The following CCSER1 variants were observed in gnomAD, a reference collection of about 807,000 sequenced individuals.
The protein encoded by CCSER1 is serine-rich coiled-coil domain-containing protein 1.
A neutral mutation model predicts 82.0 loss-of-function variants in CCSER1; 41 were observed. The ratio of observed to expected loss-of-function variants is 0.50; its 90% confidence interval spans 0.39 to 0.65. The LOEUF (loss-of-function observed/expected upper bound fraction) is 0.65. CCSER1 is among the 30% of genes least tolerant of loss of function. The probability of loss-of-function intolerance (pLI) is 0.00; values close to 1 mark genes in which losing one functional copy is unlikely to be tolerated. For synonymous variants in CCSER1, 414 were observed against 383.9 expected, an observed-to-expected ratio of 1.08 and a Z score of -0.92; for missense variants, 1,119 against 1,064.2, an observed-to-expected ratio of 1.05 and a Z score of -0.72.
chr4:91,199,547 T>G (rs900703849), intron 10 of CCSER1, among the ~76,000 whole-genome samples: 6 of 152,164 alleles, frequency 3.9e-5, no homozygotes, highest in Non-Finnish European at 7.4e-5. Flanking sequence ...AATTAATATA[T>G]AAAATAAAAC....
chr4:90,225,669 G>A (rs989391019), intron 1 of CCSER1, among the ~76,000 whole-genome samples: 2 of 152,138 alleles, frequency 1.3e-5, no homozygotes, highest in African/African-American at 2.4e-5. Context: ...TGCTGGATTT[G>A]TCTCTCCTGC....
chr4:90,832,708 A>G (rs1276594686), intron 8 of CCSER1, among the ~76,000 whole-genome samples: 1 of 152,192 alleles, frequency 6.6e-6, no homozygotes, highest in Non-Finnish European at 1.5e-5. Context: ...ATCCACACCA[A>G]AGGATGCTGA....
At chr4:90,142,155 C>T (rs140126816) in intron 1 of CCSER1, among the ~76,000 whole-genome samples, 3 of 152,116 alleles carry the variant, frequency 2.0e-5, no homozygotes, top group Non-Finnish European at 2.9e-5. Flanking sequence ...GCTTTGGAGG[C>T]CCTTTGTGAG....
chr4:90,163,782 T>C (rs1393589893), intron 1 of CCSER1, among the ~76,000 whole-genome samples: 1 of 152,054 alleles, frequency 6.6e-6, no homozygotes, highest in African/African-American at 2.4e-5. Context: ...CCAAAGAAGG[T>C]TGGAAGTACT....
At chr4:90,214,297 C>T (rs1370766121) in intron 1 of CCSER1, among the ~76,000 whole-genome samples, 3 of 151,968 alleles carry the variant, frequency 2.0e-5, no homozygotes, top group Admixed American at 1.3e-4. Flanking sequence ...CAAAATGCTT[C>T]TATGTTTTCA....
intron 5 of CCSER1, among the ~76,000 whole-genome samples, chr4:90,626,120 A>G (rs749572476): frequency 2.3e-4 from 35 of 152,192 alleles, no homozygotes; most frequent in Non-Finnish European, 4.3e-4. Context: ...GGAGCCCCGC[A>G]ATTCATAACA....
In CCSER1 at chr4:90,313,103, G is replaced by A. The variant is rs765390389; in HGVS notation, c.1509+56G>A. The A allele has an allele frequency of 9.1e-6, 12 of 1,323,326 alleles. No homozygotes were observed. The East Asian group carries it at 2.5e-4, about 27-fold the overall frequency. 82.0% of individuals were successfully genotyped at this position (1,323,326 alleles called of 1,614,324 possible). A position where few individuals can be genotyped will look rare whatever the true frequency, so the allele number is the denominator to read the frequency against. ...AAATAATGCTGTCTATATCCGACAT[G>A]TTCATGTCTCTTGCAAAATGAACAC... On this transcript the variant is annotated intron_variant, in intron 3 of 10. Coordinates refer to ENST00000509176, the MANE Select transcript of CCSER1 (RefSeq NM_001145065.2).
At chr4:90,550,594 AC>A (rs1385778516) in intron 5 of CCSER1, among the ~76,000 whole-genome samples, 2 of 152,180 alleles carry the variant, frequency 1.3e-5, no homozygotes, top group Non-Finnish European at 2.9e-5. Context: ...ATAAATTGAA[AC>A]CCAAAAGGAT....
At chr4:91,238,123 T>A (rs1461702506) in intron 10 of CCSER1, among the ~76,000 whole-genome samples, 1 of 152,088 alleles carries the variant, frequency 6.6e-6, no homozygotes, top group African/African-American at 2.4e-5. Context: ...AGGATTTCAC[T>A]CCCTTGATTG....
intron 6 of CCSER1, among the ~76,000 whole-genome samples, chr4:90,685,812 C>T (rs1299626934): frequency 3.3e-5 from 5 of 152,120 alleles, no homozygotes; most frequent in Non-Finnish European, 5.9e-5. Flanking sequence ...TTGCTGGAAA[C>T]GTGAATACTT....
chr4:90,590,725 G>A (rs766883782), intron 5 of CCSER1, among the ~76,000 whole-genome samples: 13 of 152,120 alleles, frequency 8.5e-5, no homozygotes, highest in East Asian at 1.9e-4. Flanking sequence ...TTGAAGTCGC[G>A]TAGCATGATG....
chr4:90,851,063 C>G (rs1283866590), intron 8 of CCSER1, among the ~76,000 whole-genome samples: 1 of 152,192 alleles, frequency 6.6e-6, no homozygotes, highest in Non-Finnish European at 1.5e-5. Flanking sequence ...CTTCACTCCA[C>G]ATTCATTCTT....
rs151012491 is a variant in CCSER1 at position 91,230,428 on chromosome 4, C to T, written c.2217+144434C>T. 4.4e-3 allele frequency among the ~76,000 whole-genome samples: 672 copies of T among 151,632 alleles called. 7 individuals are homozygous for T. The highest frequency in any genetic ancestry group is 0.015 in the African/African-American group (620 of 41,296). On this transcript the variant is annotated intron_variant, in intron 10 of 10. Transcript: ENST00000509176. ...TTGAGTTTGCTTATAGATGTAAGGT[C>T]GACACTAACAAAACTATATGCTCAA...
At chr4:91,247,525 T>G (rs1222193819) in intron 10 of CCSER1, among the ~76,000 whole-genome samples, 1 of 152,054 alleles carries the variant, frequency 6.6e-6, no homozygotes, top group Non-Finnish European at 1.5e-5. Flanking sequence ...AATGACACAC[T>G]AACAAGCACA....
intron 6 of CCSER1, among the ~76,000 whole-genome samples, chr4:90,664,314 G>A (rs1189032772): frequency 6.6e-6 from 1 of 152,146 alleles, no homozygotes; most frequent in African/African-American, 2.4e-5. Flanking sequence ...ATATAATTTT[G>A]TGATTTGTGT....
At chr4:91,227,696 A>G (rs1439465597) in intron 10 of CCSER1, among the ~76,000 whole-genome samples, 1 of 151,628 alleles carries the variant, frequency 6.6e-6, no homozygotes, top group Non-Finnish European at 1.5e-5. Flanking sequence ...TGGAGTCCAC[A>G]GTGTCCATTG....
At chr4:91,067,288 CTG>C (rs1315512309) in intron 9 of CCSER1, among the ~76,000 whole-genome samples, 1 of 151,602 alleles carries the variant, frequency 6.6e-6, no homozygotes, top group African/African-American at 2.4e-5. Context: ...ACTGGAAAGA[CTG>C]TGTATGCTGA....
chr4:91,378,088 T>C (rs569768525), intron 10 of CCSER1, among the ~76,000 whole-genome samples: 75 of 152,348 alleles, frequency 4.9e-4, no homozygotes, highest in Non-Finnish European at 8.8e-4. Context: ...CTGAGGGCTC[T>C]GTTCTGTTCC....
chr4:90,952,855 T>G lies in CCSER1; in HGVS notation c.2172+29408T>G, dbSNP rs1228805497. 2.0e-5 allele frequency among the ~76,000 whole-genome samples: 3 copies of G among 152,194 alleles called. No individual in the cohort carries two copies. The East Asian group carries it at 5.8e-4, about 29-fold the overall frequency. On this transcript the variant is annotated intron_variant, in intron 9 of 10. Transcript: ENST00000509176. ...CCCACTCCCACTAGGCTCCAGAAGA[T>G]TCTATTTCCTGTATTCTAGAAACAC... is the stretch of plus-strand genomic sequence containing the variant.
Sources: allele counts gnomAD v4.1 joint callset (sites outside exome capture counted in the v4.1 genomes callset), GRCh38; gene constraint gnomAD v4.1.1; transcripts MANE v1.5; gene names NCBI Gene and HGNC (gene_info 2026-07-23, HGNC 2026-07-21).